The following NMUR1 variants were observed in gnomAD, a reference collection of about 807,000 sequenced individuals.
NMUR1 encodes the protein neuromedin-U receptor 1.
In NMUR1, 16 loss-of-function variants were observed where a neutral mutation model predicts 18.8. The ratio of observed to expected loss-of-function variants is 0.85; its 90% CI spans 0.58 to 1.29. NMUR1 has a LOEUF of 1.29. Ranked by LOEUF, NMUR1 falls within the 50% of genes most tolerant of loss-of-function variation. The probability of loss-of-function intolerance (pLI) is 0.00; values close to 1 mark genes in which losing one functional copy is unlikely to be tolerated. For missense variants in NMUR1, 529 were observed against 580.3 expected (o/e 0.91, Z 0.91); for synonymous variants, 258 against 258.2 (o/e 1.00, Z 0.01).
At chr2:231,522,174 G>A (rs944404534), downstream of NMUR1, among the ~76,000 whole-genome samples, 1 of 151,590 alleles carries the variant, frequency 6.6e-6, no homozygotes, top group African/African-American at 2.4e-5. Context: ...TGTAGAGACG[G>A]GGGTTTCACC....
downstream of NMUR1, among the ~76,000 whole-genome samples, chr2:231,519,459 AC>A (rs1456483131): frequency 6.6e-6 from 1 of 152,206 alleles, no homozygotes; most frequent in African/African-American, 2.4e-5. Flanking sequence ...TTAGAGAGTC[AC>A]CACCATCCTC....
In NMUR1 at chr2:231,528,398, G is replaced by A; in HGVS notation, c.623C>T (p.Pro208Leu). Residue 208 changes from proline to leucine, a missense_variant, in exon 2 of 3, where the codon CCC (proline) becomes CTC (leucine). Physicochemically the swap from Pro to Leu is moderately conservative, Grantham distance 98. Transcript: ENST00000305141. ...SLHGIRQLHV[P>L]CRGPVPDSAV... is the part of the protein sequence containing the mutation. ...TGAGTCTGGCACTGGGCCCCGGCAG[G>A]GCACGTGCAGCTGCCGGATGCCGTG... 1.2e-6 allele frequency: 2 copies of A among 1,613,750 alleles called. No homozygotes were observed. Among genetic ancestry groups the A allele is most frequent in the Non-Finnish European group, 1.7e-6 (2 of 1,179,954 alleles).
rs1186972186 is a variant in NMUR1, at chr2:231,528,446, C to G, written c.575G>C (p.Cys192Ser). The stretch of plus-strand genomic sequence containing the variant: ...GTGCAGGCTGGTGTTGGGCAGGGAG[C>G]AGAGCATGGCAAGACCCCAGACGGC... Reference protein sequence around the residue: ...LGAVWGLAMLCSLPNTSLHGI... With the variant: ...LGAVWGLAMLSSLPNTSLHGI... Residue 192 changes from cysteine (C) to serine (S), a missense_variant, in exon 2 of 3, where the codon TGC (cysteine) becomes TCC (serine). Cys to Ser is a moderately radical substitution (Grantham distance 112). Transcript: ENST00000305141. 1 of 1,613,624 alleles carries G rather than the reference C, an allele frequency of 6.2e-7. No individual in the cohort carries two copies. Among genetic ancestry groups the G allele is most frequent in the African/African-American group, 1.3e-5 (1 of 75,078 alleles).
At chr2:231,520,896 T>C (rs1013042163), downstream of NMUR1, among the ~76,000 whole-genome samples, 8 of 152,204 alleles carry the variant, frequency 5.3e-5, no homozygotes, top group South Asian at 8.3e-4. Flanking sequence ...TCTTGGACTT[T>C]CAATTTTCAA....
chr2:231,529,497 T>C (rs923167243), intron 1 of NMUR1, among the ~76,000 whole-genome samples: 1 of 90,674 alleles, frequency 1.1e-5, no homozygotes, highest in Non-Finnish European at 2.3e-5. Context: ...AGTAAAAATC[T>C]ACATTTAAAA....
Position 231,528,741 on chromosome 2 carries a change from G to T in NMUR1, c.280C>A (p.Pro94Thr), listed in dbSNP as rs150078042. ...VILRHKAMRT[P>T]TNYYLFSLAV... ...AGGCTGAAGAGGTAGTAGTTGGTAGGCGTGCGCATGGCCTTGTGGCGCAGG... is the reference window on the plus strand; with the variant it reads ...AGGCTGAAGAGGTAGTAGTTGGTAGTCGTGCGCATGGCCTTGTGGCGCAGG... Residue 94 changes from proline to threonine, a missense_variant, in exon 2 of 3, where the codon CCT (proline) becomes ACT (threonine). Coordinates refer to ENST00000305141, the MANE Select transcript of NMUR1 (RefSeq NM_006056.5). 1 of 1,614,130 alleles carries T rather than the reference G, an allele frequency of 6.2e-7. No individual in the cohort carries two copies. Among genetic ancestry groups the T allele is most frequent in the Non-Finnish European group, 8.5e-7 (1 of 1,180,050 alleles).
chr2:231,525,473 G>A (rs1392537084), intron 2 of NMUR1, 48 bp from the exon 3 acceptor site: 3 of 1,554,344 alleles, frequency 1.9e-6, no homozygotes, highest in Non-Finnish European at 2.6e-6. Flanking sequence ...AGGCCCCTCA[G>A]CTGCCTTCCC....
Position 231,524,857 on chromosome 2 carries a change from G to A in NMUR1, c.*186C>T. The stretch of plus-strand genomic sequence containing the variant: ...AAGGTGTGGCGTCTGGTCAGTGTGA[G>A]TCCTCAGCAGTCAGGGATCCCTCCT... On this transcript the variant is annotated 3_prime_UTR_variant, in exon 3 of 3. Transcript: ENST00000305141. 4.4e-6 allele frequency: 3 copies of A among 677,990 alleles called. No homozygotes were observed. The highest frequency in any genetic ancestry group is 7.1e-6 in the Non-Finnish European group (3 of 424,848). 42.0% of individuals were successfully genotyped at this position (677,990 alleles called of 1,614,324 possible).
Position 231,529,033 on chromosome 2 carries a change from G to C in NMUR1, c.4-16C>G. On this transcript the variant is annotated splice_polypyrimidine_tract_variant and intron_variant, in intron 1 of 2. Transcript: ENST00000305141. ...AGAGAGGAGTCTGTGGAACAGAGGG[G>C]AGAGATGCCCAGAAAGATCATTCAG... is the stretch of plus-strand genomic sequence containing the variant. 6.3e-7 allele frequency: 1 copy of C among 1,578,600 alleles called. No individual in the cohort carries two copies. Among genetic ancestry groups the C allele is most frequent in the Non-Finnish European group, 8.6e-7 (1 of 1,160,026 alleles).
At chr2:231,522,919 A>T (rs115770311), downstream of NMUR1, among the ~76,000 whole-genome samples, 394 of 152,154 alleles carry the variant, frequency 2.6e-3, no homozygotes, top group African/African-American at 9.1e-3. Flanking sequence ...TCCTCCCCCG[A>T]GCCAGGGACT....
chr2:231,527,973 GAC>G (rs57357206), intron 2 of NMUR1, 148 bp downstream of exon 2: 13,816 of 534,596 alleles, frequency 0.026, 7 homozygotes, highest in Middle Eastern at 0.03. Context: ...GTGCAACTCA[GAC>G]ACACACACAC....
chr2:231,520,665 A>G (rs2047296924), downstream of NMUR1, among the ~76,000 whole-genome samples: 1 of 152,236 alleles, frequency 6.6e-6, no homozygotes, highest in Admixed American at 6.5e-5. Context: ...AATTTGGAAC[A>G]AGAACCTGAT....
downstream of NMUR1, among the ~76,000 whole-genome samples, chr2:231,521,973 C>CTCT (rs71396675): frequency 1.3e-4 from 11 of 83,828 alleles, 1 homozygote; most frequent in South Asian, 9.4e-4. Context: ...TTTTTTTTCT[C>CTCT]TTTTTTTTTT....
chr2:231,522,994 C>T (rs1433598092), downstream of NMUR1, among the ~76,000 whole-genome samples: 2 of 152,236 alleles, frequency 1.3e-5, no homozygotes, highest in African/African-American at 4.8e-5. Context: ...ATGGTTTATG[C>T]AAGTCCTACT....
At chr2:231,527,291 G>T (rs1418697180) in intron 2 of NMUR1, among the ~76,000 whole-genome samples, 2 of 152,186 alleles carry the variant, frequency 1.3e-5, no homozygotes, top group African/African-American at 2.4e-5. Flanking sequence ...AGAAGATGGC[G>T]TGCCGGTGGC....
Position 231,527,973 on chromosome 2 carries a change from GACACACACACAC to G in NMUR1, c.898+138_898+149del, listed in dbSNP as rs57357206. 2.6e-4 allele frequency: 149 copies of G among 573,184 alleles called. No individual in the cohort carries two copies. The African/African-American group carries it at 2.6e-3, about 10-fold the overall frequency. 35.5% of individuals were successfully genotyped at this position (573,184 alleles called of 1,614,324 possible). A position where few individuals can be genotyped will look rare whatever the true frequency, so the allele number is the denominator to read the frequency against. ...AAAGAGTACACAGGAGTGCAACTCA[GACACACACACAC>G]ACACACACACACACGAGACTAGAGG... On this transcript the variant is annotated intron_variant, in intron 2 of 2. Coordinates refer to ENST00000305141, the MANE Select transcript of NMUR1 (RefSeq NM_006056.5).
At chr2:231,526,995 G>C (rs577642043) in intron 2 of NMUR1, among the ~76,000 whole-genome samples, 1 of 152,116 alleles carries the variant, frequency 6.6e-6, no homozygotes. Context: ...TCACAGACAC[G>C]CCTCGGGATG....
chr2:231,525,437 G>C lies in NMUR1; in HGVS notation c.899-12C>G. On this transcript the variant is annotated splice_polypyrimidine_tract_variant and intron_variant, in intron 2 of 2. Transcript: ENST00000305141. ...CACGACCAGGACAACTGCAGGGACA[G>C]AGAAGGGAGGCCGAGTGCCCGCCCG... 6.3e-7 allele frequency: 1 copy of C among 1,595,792 alleles called. No homozygotes were observed. The highest frequency in any genetic ancestry group is 8.6e-7 in the Non-Finnish European group (1 of 1,168,982).
chr2:231,520,580 C>T (rs2047296368), downstream of NMUR1, among the ~76,000 whole-genome samples: 1 of 152,202 alleles, frequency 6.6e-6, no homozygotes. Flanking sequence ...GGTGTGCCCC[C>T]TCTCCCCCAC....
Sources: allele counts gnomAD v4.1 joint callset (sites outside exome capture counted in the v4.1 genomes callset), GRCh38; gene constraint gnomAD v4.1.1; transcripts MANE v1.5; gene names NCBI Gene and HGNC (gene_info 2026-07-23, HGNC 2026-07-21).